The following UNC5D variants were observed in gnomAD, a reference collection of about 807,000 sequenced individuals.
UNC5D encodes netrin receptor UNC5D.
A neutral mutation model predicts 105.4 loss-of-function variants in UNC5D; 39 were observed. That is an observed-to-expected ratio of 0.37 (90% CI 0.29 to 0.48). The LOEUF (loss-of-function observed/expected upper bound fraction) is 0.48. Among genes scored for constraint, UNC5D ranks in the 20% least tolerant of loss-of-function variants. The probability of loss-of-function intolerance (pLI) is 0.98; values close to 1 mark genes in which losing one functional copy is unlikely to be tolerated. For missense variants in UNC5D, 991 were observed against 1,202.4 expected (o/e 0.82, Z 2.60); for synonymous variants, 452 against 450.4 (o/e 1.00, Z -0.04).
At chr8:35,423,958 G>A (rs1806082248) in intron 1 of UNC5D, among the ~76,000 whole-genome samples, 1 of 150,828 alleles carries the variant, frequency 6.6e-6, no homozygotes, top group Non-Finnish European at 1.5e-5. Flanking sequence ...CACCAAGTCT[G>A]GCTAATTAAA....
At chr8:35,688,939 T>C (rs894642815) in intron 7 of UNC5D, among the ~76,000 whole-genome samples, 1 of 152,264 alleles carries the variant, frequency 6.6e-6, no homozygotes, top group African/African-American at 2.4e-5. Context: ...ATTTTACAAG[T>C]ACATATACAT....
chr8:35,465,199 T>A (rs919964010), intron 1 of UNC5D, among the ~76,000 whole-genome samples: 13 of 152,184 alleles, frequency 8.5e-5, no homozygotes, highest in African/African-American at 3.1e-4. Flanking sequence ...CAGACCAGCA[T>A]GGGCAACGTG....
intron 1 of UNC5D, among the ~76,000 whole-genome samples, chr8:35,295,050 A>G (rs1459239024): frequency 6.6e-6 from 1 of 152,196 alleles, no homozygotes; most frequent in Non-Finnish European, 1.5e-5. Flanking sequence ...TATGCTTGCA[A>G]CACTTGAGCT....
rs1379740555 is a variant in UNC5D, at chr8:35,794,691, G to A, written c.*4128G>A. The A allele has an allele frequency of 1.3e-5, 2 of 152,492 alleles. No individual in the cohort carries two copies. The highest frequency in any genetic ancestry group is 2.9e-5 in the Non-Finnish European group (2 of 68,008). 9.4% of individuals were successfully genotyped at this position (152,492 alleles called of 1,614,324 possible). On this transcript the variant is annotated 3_prime_UTR_variant, in exon 17 of 17. Transcript: ENST00000404895. ...TGTGTTGCATATTTTGTGTTTTTACGTTCCAAACTCTTTCAAAAGCTGCCG... is the reference window on the plus strand; with the variant it reads ...TGTGTTGCATATTTTGTGTTTTTACATTCCAAACTCTTTCAAAAGCTGCCG...
At chr8:35,543,526 T>G (rs1815418372) in intron 1 of UNC5D, among the ~76,000 whole-genome samples, 1 of 152,226 alleles carries the variant, frequency 6.6e-6, no homozygotes, top group African/African-American at 2.4e-5. Context: ...TTGTTTTTCT[T>G]GCTAATGTTC....
At position 35,475,862 on chromosome 8, in the gene UNC5D, CA is replaced by C. The variant is rs569743767; in HGVS notation, c.104-73429del. On this transcript the variant is annotated intron_variant, in intron 1 of 16. Coordinates refer to ENST00000404895, the MANE Select transcript of UNC5D (RefSeq NM_080872.4). ...ACCCGTGTTAAACTCAGAGTAGAAT[CA>C]TTTTTTTTCTACTATGGAACATCTG... Among the ~76,000 whole-genome samples the C allele has an allele frequency of 7.9e-4, 121 of 152,274 alleles. 2 individuals are homozygous for C. Among genetic ancestry groups the C allele is most frequent in the Non-Finnish European group, 2.6e-4 (18 of 68,022 alleles).
chr8:35,280,309 T>C (rs1349407405), intron 1 of UNC5D, among the ~76,000 whole-genome samples: 1 of 152,216 alleles, frequency 6.6e-6, no homozygotes, highest in Non-Finnish European at 1.5e-5. Context: ...GGTGGATCTG[T>C]AATGTCTCCA....
At chr8:35,671,156 T>C (rs1449171764) in intron 4 of UNC5D, among the ~76,000 whole-genome samples, 3 of 152,128 alleles carry the variant, frequency 2.0e-5, no homozygotes, top group Non-Finnish European at 2.9e-5. Flanking sequence ...TTAGTTACAA[T>C]GGAAATGCGT....
intron 3 of UNC5D, among the ~76,000 whole-genome samples, chr8:35,578,398 T>C (rs1200388417): frequency 6.6e-6 from 1 of 152,116 alleles, no homozygotes; most frequent in Admixed American, 6.5e-5. Context: ...TAACTGTGTT[T>C]CTCAAAATGC....
At chr8:35,610,140 A>G (rs749795123) in intron 4 of UNC5D, among the ~76,000 whole-genome samples, 47 of 151,962 alleles carry the variant, frequency 3.1e-4, no homozygotes, top group African/African-American at 1.0e-3. Flanking sequence ...AAAAAGTGCT[A>G]TGAGATGCTG....
chr8:35,375,801 A>G (rs1563356867), intron 1 of UNC5D, among the ~76,000 whole-genome samples: 1 of 152,204 alleles, frequency 6.6e-6, no homozygotes. Context: ...TGCATTTTTG[A>G]AACAAGGAAT....
At chr8:35,584,744 C>T (rs531296376) in intron 3 of UNC5D, among the ~76,000 whole-genome samples, 24 of 152,084 alleles carry the variant, frequency 1.6e-4, no homozygotes, top group African/African-American at 3.4e-4. Flanking sequence ...AGACACCATG[C>T]GTGACCCTAA....
At chr8:35,778,316 G>T (rs1388801901) in intron 16 of UNC5D, among the ~76,000 whole-genome samples, 1 of 152,130 alleles carries the variant, frequency 6.6e-6, no homozygotes, top group Non-Finnish European at 1.5e-5. Context: ...ATTATATTTT[G>T]CAGAAATTGT....
intron 1 of UNC5D, among the ~76,000 whole-genome samples, chr8:35,330,657 C>G (rs760424805): frequency 3.4e-4 from 51 of 152,126 alleles, no homozygotes; most frequent in African/African-American, 1.1e-3. Context: ...GGCTTCTAAC[C>G]TTGAGTTTGG....
chr8:35,469,467 AT>A (rs1809553449), intron 1 of UNC5D, among the ~76,000 whole-genome samples: 1 of 152,178 alleles, frequency 6.6e-6, no homozygotes, highest in African/African-American at 2.4e-5. Context: ...CATTGTCATC[AT>A]TTACTGGGAC....
At chr8:35,558,958 G>T (rs1001486237) in intron 2 of UNC5D, among the ~76,000 whole-genome samples, 1 of 151,944 alleles carries the variant, frequency 6.6e-6, no homozygotes, top group Admixed American at 6.6e-5. Context: ...CTCCAGCTTG[G>T]GCAACAGAAC....
At chr8:35,388,034 G>A (rs916488251) in intron 1 of UNC5D, among the ~76,000 whole-genome samples, 3 of 152,022 alleles carry the variant, frequency 2.0e-5, no homozygotes, top group Non-Finnish European at 4.4e-5. Context: ...AATAGTACTG[G>A]GGAGGAATTT....
chr8:35,275,817 A>T (rs1208120897), intron 1 of UNC5D, among the ~76,000 whole-genome samples: 1 of 152,210 alleles, frequency 6.6e-6, no homozygotes, highest in African/African-American at 2.4e-5. Flanking sequence ...GTGTGCCTTA[A>T]CTTTTATACA....
intron 1 of UNC5D, among the ~76,000 whole-genome samples, chr8:35,419,236 G>A (rs1805727998): frequency 6.6e-6 from 1 of 152,184 alleles, no homozygotes; most frequent in African/African-American, 2.4e-5. Context: ...ATTGACACAG[G>A]ATTCTTTTGG....
Sources: allele counts gnomAD v4.1 joint callset (sites outside exome capture counted in the v4.1 genomes callset), GRCh38; gene constraint gnomAD v4.1.1; transcripts MANE v1.5; gene names NCBI Gene and HGNC (gene_info 2026-07-23, HGNC 2026-07-21).